The following SLC22A8 variants were observed in gnomAD, a reference collection of about 807,000 sequenced individuals.
SLC22A8 encodes the protein organic anion transporter 3.
A neutral mutation model predicts 48.4 loss-of-function variants in SLC22A8; 40 were observed. The observed-to-expected ratio is 0.83, with a 90% CI of 0.64 to 1.08. The LOEUF (loss-of-function observed/expected upper bound fraction) is 1.08, where lower values mean the gene tolerates loss of function less well. Among genes scored for constraint, SLC22A8 ranks in the 50% least tolerant of loss-of-function variants. The pLI, the probability that SLC22A8 is intolerant of heterozygous loss-of-function variation, is 0.00. For missense variants in SLC22A8, 606 were observed against 699.0 expected (o/e 0.87, Z 1.50); for synonymous variants, 268 against 286.3 (o/e 0.94, Z 0.65).
At chr11:63,003,282 G>A (rs545368554) in intron 2 of SLC22A8, among the ~76,000 whole-genome samples, 1 of 152,292 alleles carries the variant, frequency 6.6e-6, no homozygotes, top group South Asian at 2.1e-4. Context: ...ATTCCAAAAG[G>A]TGAAGAACCA....
At position 63,015,080 on chromosome 11, in the gene SLC22A8, C is replaced by G. The variant is rs995045112; in HGVS notation, c.-25-97G>C. Reference sequence around the variant, plus strand: ...TGGGAGGGTGAACCAGGTGGATATGCGAGCACAGGTGTGTGGAGCAGAGCA... The same window carrying G: ...TGGGAGGGTGAACCAGGTGGATATGGGAGCACAGGTGTGTGGAGCAGAGCA... On this transcript the variant is annotated intron_variant, in intron 1 of 10. Transcript: ENST00000336232. The G allele has an allele frequency of 2.3e-5, 17 of 735,798 alleles. No individual in the cohort carries two copies. The South Asian group carries it at 3.6e-4, about 16-fold the overall frequency. The allele number at this position is 735,798 out of a possible 1,614,324, so 45.6% of individuals were successfully genotyped here.
At chr11:63,014,462 C>T in intron 2 of SLC22A8, 164 bp downstream of exon 2, 1 of 582,994 alleles carries the variant, frequency 1.7e-6, no homozygotes, top group Admixed American at 2.9e-5. Context: ...AGCCAAGGGT[C>T]TTGGTGCATG....
chr11:62,995,105 G>A, intron 7 of SLC22A8: 3 of 378,596 alleles, frequency 7.9e-6, no homozygotes, highest in Non-Finnish European at 1.5e-5. Flanking sequence ...CCAGACTGGC[G>A]AGGTGAGCAT....
rs1317224281 is a variant in SLC22A8 at position 63,000,731 on chromosome 11, G to T, written c.426C>A (p.Asp142Glu). The T allele has an allele frequency of 1.2e-6, 2 of 1,611,666 alleles. No individual in the cohort carries two copies. Residue 142 changes from aspartate (D) to glutamate (E), a missense_variant, in exon 3 of 11, where the codon GAC becomes GAA. Transcript: ENST00000336232. ...CCCCCATGTCTCACCTGTCAGACAGGTCTCCAAGCACGAGCCCTCCAATCA... is the reference window on the plus strand; with the variant it reads ...CCCCCATGTCTCACCTGTCAGACAGTTCTCCAAGCACGAGCCCTCCAATCA... ...GILIGGLVLG[D>E]LSDRFGRRPI...
intron 2 of SLC22A8, among the ~76,000 whole-genome samples, chr11:63,003,559 A>G (rs2086522523): frequency 6.6e-6 from 1 of 152,180 alleles, no homozygotes. Context: ...ACTTTGTGGC[A>G]TGCTGTGTAA....
At chr11:63,006,701 A>G (rs1195002462) in intron 2 of SLC22A8, among the ~76,000 whole-genome samples, 2 of 135,278 alleles carry the variant, frequency 1.5e-5, no homozygotes, top group African/African-American at 5.6e-5. Flanking sequence ...TCTACCTCCC[A>G]GGTTCAAGTG....
At chr11:62,994,857 G>A (rs2086396216) in intron 7 of SLC22A8, 101 bp from the exon 8 acceptor site, 2 of 865,120 alleles carry the variant, frequency 2.3e-6, no homozygotes, top group South Asian at 1.4e-5. Context: ...TTCACTTCTT[G>A]TGCCAACTGC....
chr11:62,993,364 C>T (rs374272560), intron 10 of SLC22A8, 28 bp from the exon 11 acceptor site: 51 of 1,613,676 alleles, frequency 3.2e-5, no homozygotes, highest in Non-Finnish European at 4.0e-5. Flanking sequence ...AGGAAAAGCC[C>T]TGGGCCCAGA....
Position 62,999,098 on chromosome 11 carries a change from G to A in SLC22A8, c.593-9C>T. The A allele has an allele frequency of 1.9e-6, 3 of 1,609,156 alleles. No homozygotes were observed. The highest frequency in any genetic ancestry group is 2.6e-6 in the Non-Finnish European group (3 of 1,176,204). ...AGGCACCCATTCCACATCTGTGGGA[G>A]GAGTCCAAGCACCAGATTAGTGTTC... is the stretch of plus-strand genomic sequence containing the variant. On this transcript the variant is annotated splice_polypyrimidine_tract_variant and intron_variant, in intron 4 of 10. Coordinates refer to ENST00000336232, the MANE Select transcript of SLC22A8 (RefSeq NM_004254.4).
rs2086368034 is a variant in SLC22A8, at chr11:62,993,438, T to C, written c.1515A>G (p.Glu505=). The C allele has an allele frequency of 3.7e-6, 6 of 1,614,112 alleles. No individual in the cohort carries two copies. Among genetic ancestry groups the C allele is most frequent in the Non-Finnish European group, 4.2e-6 (5 of 1,179,998 alleles). Residue 505 remains glutamate, a synonymous_variant, in exon 10 of 11, where the codon GAA becomes GAG. Coordinates refer to ENST00000336232, the MANE Select transcript of SLC22A8 (RefSeq NM_004254.4). ...CAGTGACTGACCAGTTTTCCAGGTC[T>C]TCGATAGTCTCTGGCAAGGGCTGAT... ...TLNQPLPETI[E]DLENWSLRAK...
intron 2 of SLC22A8, among the ~76,000 whole-genome samples, chr11:63,009,598 A>G (rs1022111257): frequency 1.2e-4 from 18 of 152,204 alleles, no homozygotes; most frequent in African/African-American, 3.9e-4. Flanking sequence ...TTCTAGACTT[A>G]AAGGCCTTTG....
At chr11:62,994,909 T>C in intron 7 of SLC22A8, 153 bp from the exon 8 acceptor site, 1 of 661,502 alleles carries the variant, frequency 1.5e-6, no homozygotes, top group South Asian at 1.8e-5. Flanking sequence ...TTGAGGTTTC[T>C]GAGATCGTGT....
At chr11:63,006,588 CATT>C (rs541964377) in intron 2 of SLC22A8, among the ~76,000 whole-genome samples, 4 of 89,262 alleles carry the variant, frequency 4.5e-5, no homozygotes, top group African/African-American at 1.8e-4. Flanking sequence ...GAGAATGTCT[CATT>C]TGAGTTTTTT....
chr11:62,993,246 G>T lies in SLC22A8; in HGVS notation c.1620C>A (p.Gly540=). Residue 540 remains glycine, a synonymous_variant, in exon 11 of 11, where the codon GGC becomes GGA. Coordinates refer to ENST00000336232, the MANE Select transcript of SLC22A8 (RefSeq NM_004254.4). ...GGGGGTTCCGTTGTCCTCAGCTGGA[G>T]CCCAGGCCTGGTCCGTGAGGCTGTA... ...IPLQPHGPGL[G]SS 1 of 1,611,822 alleles carries T rather than the reference G, an allele frequency of 6.2e-7. No homozygotes were observed. Among genetic ancestry groups the T allele is most frequent in the Non-Finnish European group, 8.5e-7 (1 of 1,179,404 alleles).
chr11:63,012,481 T>C (rs1278641368), intron 2 of SLC22A8, among the ~76,000 whole-genome samples: 2 of 152,180 alleles, frequency 1.3e-5, no homozygotes, highest in Non-Finnish European at 2.9e-5. Flanking sequence ...TCCTTCCTTT[T>C]GCCTGGAGTG....
chr11:62,999,851 C>T lies in SLC22A8; in HGVS notation c.438-9G>A, dbSNP rs1362443322. On this transcript the variant is annotated splice_polypyrimidine_tract_variant and intron_variant, in intron 3 of 10. Coordinates refer to ENST00000336232, the MANE Select transcript of SLC22A8 (RefSeq NM_004254.4). ...TGGGCCTGCGGCCAAACCTGTAGCTCGAAGGAGAGGAGGGGCCAGGTTAGC... is the reference window on the plus strand; with the variant it reads ...TGGGCCTGCGGCCAAACCTGTAGCTTGAAGGAGAGGAGGGGCCAGGTTAGC... 1.1e-5 allele frequency: 16 copies of T among 1,504,998 alleles called. No individual in the cohort carries two copies. The highest frequency in any genetic ancestry group is 1.0e-4 in the East Asian group (4 of 40,108). 93.2% of individuals were successfully genotyped at this position (1,504,998 alleles called of 1,614,324 possible). A position where few individuals can be genotyped will look rare whatever the true frequency, so the allele number is the denominator to read the frequency against.
At chr11:63,008,208 G>A (rs1332719044) in intron 2 of SLC22A8, among the ~76,000 whole-genome samples, 1 of 152,204 alleles carries the variant, frequency 6.6e-6, no homozygotes, top group Non-Finnish European at 1.5e-5. Context: ...CAGAGCATGA[G>A]GCAGAAAGTG....
At chr11:62,999,625 A>T in intron 4 of SLC22A8, 63 bp downstream of exon 4, 1 of 1,362,144 alleles carries the variant, frequency 7.3e-7, no homozygotes, top group Non-Finnish European at 9.8e-7. Flanking sequence ...CCCAGACCCC[A>T]TTCTCTTTTG....
chr11:62,992,919 G>A lies in SLC22A8; in HGVS notation c.*318C>T, dbSNP rs980023306. On this transcript the variant is annotated 3_prime_UTR_variant, in exon 11 of 11. Transcript: ENST00000336232. ...TCTCATCTTGTTAAGACTCAGTCTT[G>A]TTAGGACTGAGCCAGGGGATATCAG... 21 of 400,284 alleles carry A rather than the reference G, an allele frequency of 5.2e-5. No individual in the cohort carries two copies. Among genetic ancestry groups the A allele is most frequent in the Non-Finnish European group, 7.6e-5 (17 of 223,330 alleles). The allele number at this position is 400,284 out of a possible 1,614,324, so 24.8% of individuals were successfully genotyped here.
Sources: allele counts gnomAD v4.1 joint callset (sites outside exome capture counted in the v4.1 genomes callset), GRCh38; gene constraint gnomAD v4.1.1; transcripts MANE v1.5; gene names NCBI Gene and HGNC (gene_info 2026-07-23, HGNC 2026-07-21).